The following CCDC66 variants were observed in gnomAD, a reference collection of about 807,000 sequenced individuals.
CCDC66 encodes the protein coiled-coil domain-containing protein 66.
A neutral mutation model predicts 128.3 loss-of-function variants in CCDC66; 133 were observed. The ratio of observed to expected loss-of-function variants is 1.04; its 90% CI spans 0.90 to 1.20. CCDC66 has a LOEUF of 1.20. Ranked by LOEUF, CCDC66 falls within the 50% of genes most tolerant of loss-of-function variation. The pLI is 0.00. For missense variants in CCDC66, 1,126 were observed against 1,075.5 expected (o/e 1.05, Z -0.66); for synonymous variants, 387 against 357.0 (o/e 1.08, Z -0.95).
At chr3:56,588,817 A>G (rs1216236020) in intron 7 of CCDC66, among the ~76,000 whole-genome samples, 1 of 152,228 alleles carries the variant, frequency 6.6e-6, no homozygotes, top group Non-Finnish European at 1.5e-5. Context: ...ATTAGAAAAT[A>G]TTTTTAACTG....
At chr3:56,598,489 T>C (rs1396745713) in intron 10 of CCDC66, among the ~76,000 whole-genome samples, 1 of 152,008 alleles carries the variant, frequency 6.6e-6, no homozygotes, top group Non-Finnish European at 1.5e-5. Flanking sequence ...CCTTGTTTTG[T>C]TTTAGCTCTT....
chr3:56,563,563 A>T, intron 3 of CCDC66, 121 bp from the exon 4 acceptor site: 1 of 691,008 alleles, frequency 1.4e-6, no homozygotes, highest in Non-Finnish European at 2.4e-6. Flanking sequence ...TCTTATGGTT[A>T]TATTACCTAA....
chr3:56,588,931 G>A (rs371016996), intron 7 of CCDC66, among the ~76,000 whole-genome samples: 3 of 152,176 alleles, frequency 2.0e-5, no homozygotes, highest in Non-Finnish European at 4.4e-5. Context: ...TCAAGGAATA[G>A]TGACCTAAAG....
intron 7 of CCDC66, among the ~76,000 whole-genome samples, chr3:56,589,592 T>A (rs1200276813): frequency 1.3e-5 from 2 of 152,180 alleles, no homozygotes; most frequent in African/African-American, 2.4e-5. Context: ...TAGGTAAATT[T>A]AATAAAAGTG....
chr3:56,587,311 TTC>T (rs1389403599), intron 7 of CCDC66, among the ~76,000 whole-genome samples: 6 of 151,942 alleles, frequency 3.9e-5, no homozygotes, highest in African/African-American at 1.2e-4. Context: ...TATTAGTTTG[TTC>T]TCTCATTACT....
rs1486230208 is a variant in CCDC66 at position 56,593,097 on chromosome 3, C to G, written c.1064C>G (p.Ser355Ter). ...QRKIEEKIIY[S>*]KGEEHDRWAM... ...AAAATAGAGGAAAAAATTATATATT[C>G]AAAGGTAACTTATGAGGTTTTGTGG... Residue 355 changes from serine to a stop codon, truncating the protein, a stop_gained, in exon 8 of 18, where the codon TCA becomes TGA. Transcript: ENST00000394672. LOFTEE classifies it high-confidence loss of function. 1.3e-6 allele frequency: 2 copies of G among 1,585,488 alleles called. No individual in the cohort carries two copies. The highest frequency in any genetic ancestry group is 1.1e-5 in the South Asian group (1 of 87,598).
At chr3:56,589,788 T>C (rs1376278603) in intron 7 of CCDC66, among the ~76,000 whole-genome samples, 1 of 152,186 alleles carries the variant, frequency 6.6e-6, no homozygotes, top group East Asian at 1.9e-4. Flanking sequence ...ATCCAGCATA[T>C]ATTTTTAAAA....
intron 4 of CCDC66, among the ~76,000 whole-genome samples, chr3:56,564,754 A>G (rs2065565911): frequency 6.6e-6 from 1 of 152,250 alleles, no homozygotes; most frequent in Admixed American, 6.5e-5. Context: ...AGAAATATCT[A>G]AAATTTTATT....
At chr3:56,567,460 C>T (rs1464702193) in intron 6 of CCDC66, among the ~76,000 whole-genome samples, 3 of 152,134 alleles carry the variant, frequency 2.0e-5, no homozygotes, top group Non-Finnish European at 4.4e-5. Context: ...CCCCTTTGCC[C>T]TCTGGAGGTT....
chr3:56,596,795 C>G (rs1284680774), intron 10 of CCDC66, among the ~76,000 whole-genome samples: 1 of 139,380 alleles, frequency 7.2e-6, no homozygotes, highest in Non-Finnish European at 1.5e-5. Flanking sequence ...GAGTCTCAGA[C>G]TGTCACCCTG....
At chr3:56,584,576 C>G (rs1394387831) in intron 7 of CCDC66, among the ~76,000 whole-genome samples, 1 of 151,254 alleles carries the variant, frequency 6.6e-6, no homozygotes, top group Admixed American at 6.6e-5. Flanking sequence ...GATGGGATGG[C>G]GGCCGGGAAG....
chr3:56,579,546 A>T (rs1000601049), intron 7 of CCDC66, among the ~76,000 whole-genome samples: 6 of 151,718 alleles, frequency 4.0e-5, no homozygotes, highest in African/African-American at 1.2e-4. Flanking sequence ...TGTGGACATT[A>T]AGTGCTATAA....
At position 56,558,906 on chromosome 3, in the gene CCDC66, A is replaced by AT. The variant is rs1357205098; in HGVS notation, c.73dup (p.Tyr25LeufsTer2). 4 of 1,543,354 alleles carry AT rather than the reference A, an allele frequency of 2.6e-6. No homozygotes were observed. The highest frequency in any genetic ancestry group is 2.0e-5 in the Admixed American group (1 of 50,720). ...GAAAAACCAAGCTAATATTGTCTCC[A>AT]TATGGTATGTTGTGTTACAGAAATC... is the stretch of plus-strand genomic sequence containing the variant. On this transcript the variant is annotated frameshift_variant, in exon 2 of 18. Coordinates refer to ENST00000394672, the MANE Select transcript of CCDC66 (RefSeq NM_001141947.3). LOFTEE classifies it high-confidence loss of function.
intron 3 of CCDC66, among the ~76,000 whole-genome samples, chr3:56,561,540 A>G (rs1403899109): frequency 6.6e-6 from 1 of 152,146 alleles, no homozygotes; most frequent in East Asian, 1.9e-4. Flanking sequence ...CCTTAAAGCA[A>G]ATTGTTTGGG....
intron 7 of CCDC66, among the ~76,000 whole-genome samples, chr3:56,580,310 T>C (rs1401520729): frequency 2.0e-5 from 3 of 151,784 alleles, no homozygotes; most frequent in Non-Finnish European, 4.4e-5. Context: ...TGTCTCTGCA[T>C]GTGAGATGGG....
At position 56,615,890 on chromosome 3, in the gene CCDC66, T is replaced by A. The variant is rs761805101; in HGVS notation, c.1712-32T>A. ...ATAATTTTTATTAATATTCCTTAAG[T>A]GTTGTTTTATCAGGTGATTTCTCTT... On this transcript the variant is annotated intron_variant, in intron 12 of 17. Transcript: ENST00000394672. 2.6e-6 allele frequency: 4 copies of A among 1,550,368 alleles called. No individual in the cohort carries two copies. In the Admixed American group the frequency reaches 7.3e-5, roughly 28 times the overall value.
chr3:56,616,457 C>T (rs1218386376), intron 13 of CCDC66: 1 of 187,334 alleles, frequency 5.3e-6, no homozygotes, highest in Non-Finnish European at 1.1e-5. Flanking sequence ...TCTCTCTTAG[C>T]ATGTTTTAAG....
In CCDC66 at chr3:56,592,974, CAG is replaced by C. The variant is rs761563336; in HGVS notation, c.942_943del (p.Val315ThrfsTer19). The stretch of plus-strand genomic sequence containing the variant: ...GCTTTTATGGCTGTTGTTTAGGAAA[CAG>C]TACTGCTGGAGCACCCTTTCAGTGC... On this transcript the variant is annotated frameshift_variant, in exon 8 of 18. Coordinates refer to ENST00000394672, the MANE Select transcript of CCDC66 (RefSeq NM_001141947.3). LOFTEE classifies it high-confidence loss of function. The C allele has an allele frequency of 1.2e-5, 20 of 1,606,264 alleles. No individual in the cohort carries two copies. The African/African-American group carries it at 2.1e-4, about 17-fold the overall frequency.
chr3:56,616,285 T>A (rs530299772), intron 13 of CCDC66: 3 of 392,634 alleles, frequency 7.6e-6, no homozygotes, highest in South Asian at 7.4e-5. Context: ...CACAATCAAT[T>A]CTAAAACATT....
Sources: gnomAD v4.1 joint callset for allele counts (sites outside exome capture counted in the v4.1 genomes callset) on GRCh38, gnomAD v4.1.1 for gene constraint, MANE v1.5 for transcripts, NCBI Gene and HGNC (gene_info 2026-07-23, HGNC 2026-07-21) for gene names.